MEIS2: variants seen among roughly 807,000 people sequenced by gnomAD.
MEIS2 encodes Meis homeobox 2.
Under a neutral mutation model 58.6 loss-of-function variants are expected in MEIS2, and 9 were observed. The ratio of observed to expected loss-of-function variants is 0.15; its 90% CI spans 0.09 to 0.27. The LOEUF (loss-of-function observed/expected upper bound fraction) is 0.27, where lower values mean the gene tolerates loss of function less well. Ranked by LOEUF, MEIS2 falls within the 10% of genes least tolerant of loss-of-function variation. The probability of loss-of-function intolerance (pLI) is 1.00; values close to 1 mark genes in which losing one functional copy is unlikely to be tolerated. For synonymous variants in MEIS2, 221 were observed against 228.4 expected (o/e 0.97, Z 0.29); for missense variants, 427 against 635.0 (o/e 0.67, Z 3.52).
intron 8 of MEIS2, among the ~76,000 whole-genome samples, chr15:36,988,957 G>A (rs2060181928): frequency 6.6e-6 from 1 of 152,086 alleles, no homozygotes; most frequent in Non-Finnish European, 1.5e-5. Flanking sequence ...ATGAAAAAAG[G>A]CTAGCAAGAA....
rs138110131 is a variant in MEIS2 at position 36,978,430 on chromosome 15, G to A, written c.901-28030C>T. ...TGGCTCCAGGATCTGTGCTCTTATCGCTGTACCACACTGGTATTGTGCTAC... is the reference window on the plus strand; with the variant it reads ...TGGCTCCAGGATCTGTGCTCTTATCACTGTACCACACTGGTATTGTGCTAC... On this transcript the variant is annotated intron_variant, in intron 8 of 11. Transcript: ENST00000561208. Among the ~76,000 whole-genome samples the A allele has an allele frequency of 5.2e-3, 795 of 152,272 alleles. 7 individuals are homozygous for A. The highest frequency in any genetic ancestry group is 9.0e-3 in the Non-Finnish European group (609 of 68,010).
chr15:36,958,436 A>G (rs892490458), intron 8 of MEIS2, among the ~76,000 whole-genome samples: 9 of 152,212 alleles, frequency 5.9e-5, no homozygotes, highest in Non-Finnish European at 1.2e-4. Context: ...AGGAGAAACA[A>G]AAACATCTGC....
chr15:37,082,952 T>C (rs1892426871), intron 7 of MEIS2, among the ~76,000 whole-genome samples: 1 of 151,234 alleles, frequency 6.6e-6, no homozygotes, highest in African/African-American at 2.4e-5. Context: ...AGAGATGAAA[T>C]AGACCTAGGA....
chr15:36,932,508 T>C (rs2058020104), intron 9 of MEIS2, among the ~76,000 whole-genome samples: 1 of 152,226 alleles, frequency 6.6e-6, no homozygotes, highest in Non-Finnish European at 1.5e-5. Context: ...TTATGGTCTT[T>C]TTTTAAGATT....
At chr15:36,956,274 G>A (rs1476499406) in intron 8 of MEIS2, among the ~76,000 whole-genome samples, 1 of 151,700 alleles carries the variant, frequency 6.6e-6, no homozygotes, top group Non-Finnish European at 1.5e-5. Context: ...AGGAAACCGA[G>A]GCTCACAAGG....
At position 36,917,008 on chromosome 15, in the gene MEIS2, C is replaced by T. The variant is rs77677879; in HGVS notation, c.978-20322G>A. On this transcript the variant is annotated intron_variant, in intron 9 of 11. Coordinates refer to ENST00000561208, the MANE Select transcript of MEIS2 (RefSeq NM_170675.5). ...TCAGATACACTCATGCACACATATG[C>T]GCACACACACATACACGCATGCGTG... Among the ~76,000 whole-genome samples, 45 of 152,164 alleles carry T rather than the reference C, an allele frequency of 3.0e-4. 1 individual carries two copies. The highest frequency in any genetic ancestry group is 3.4e-3 in the Middle Eastern group (1 of 294).
At chr15:36,985,776 G>A (rs1258407136) in intron 8 of MEIS2, among the ~76,000 whole-genome samples, 1 of 152,136 alleles carries the variant, frequency 6.6e-6, no homozygotes. Context: ...ATCTCTCAAA[G>A]CAGTTCCCAA....
chr15:37,093,665 G>T lies in MEIS2; in HGVS notation c.555C>A (p.Ile185=). Residue 185 remains isoleucine (I), a synonymous_variant, in exon 6 of 12, where the codon ATC becomes ATA. Coordinates refer to ENST00000561208, the MANE Select transcript of MEIS2 (RefSeq NM_170675.5). The part of the protein sequence containing the change: ...YISCLKGKMP[I]DLVIDERDGS... ...CGTCTCTTTCATCAATGACGAGGTC[G>T]ATGGGCATTTTCCCCTTCAAACAGC... 1 of 1,614,178 alleles carries T rather than the reference G, an allele frequency of 6.2e-7. No homozygotes were observed. Among genetic ancestry groups the T allele is most frequent in the Non-Finnish European group, 8.5e-7 (1 of 1,180,044 alleles).
chr15:36,969,147 C>T (rs1321271488), intron 8 of MEIS2, among the ~76,000 whole-genome samples: 1 of 152,186 alleles, frequency 6.6e-6, no homozygotes, highest in Non-Finnish European at 1.5e-5. Flanking sequence ...TGTATTTCTT[C>T]TCTTAGTTTG....
At chr15:37,081,424 A>C (rs915989332) in intron 7 of MEIS2, among the ~76,000 whole-genome samples, 1 of 152,202 alleles carries the variant, frequency 6.6e-6, no homozygotes, top group Non-Finnish European at 1.5e-5. Flanking sequence ...CTTTGCCCTG[A>C]AGCAGATAAT....
intron 7 of MEIS2, among the ~76,000 whole-genome samples, chr15:37,065,252 A>C (rs187218188): frequency 2.9e-4 from 44 of 152,300 alleles, no homozygotes; most frequent in African/African-American, 9.9e-4. Flanking sequence ...ATGTGGCTTC[A>C]TGCTTTTGAC....
At chr15:36,989,764 G>C (rs1289574785) in intron 8 of MEIS2, among the ~76,000 whole-genome samples, 1 of 152,168 alleles carries the variant, frequency 6.6e-6, no homozygotes, top group Non-Finnish European at 1.5e-5. Flanking sequence ...CTTAATTGTT[G>C]GTTTACCAGC....
At chr15:36,993,841 AC>A (rs1181166177) in intron 8 of MEIS2, among the ~76,000 whole-genome samples, 1 of 152,168 alleles carries the variant, frequency 6.6e-6, no homozygotes, top group Non-Finnish European at 1.5e-5. Flanking sequence ...AAATTATGGT[AC>A]TAATAGAGAG....
chr15:36,958,317 G>C (rs929728066), intron 8 of MEIS2, among the ~76,000 whole-genome samples: 1 of 152,102 alleles, frequency 6.6e-6, no homozygotes, highest in Non-Finnish European at 1.5e-5. Context: ...TTTAAGAACA[G>C]TTATTAAATT....
chr15:37,008,363 C>T (rs189899259), intron 8 of MEIS2, among the ~76,000 whole-genome samples: 8 of 152,308 alleles, frequency 5.3e-5, no homozygotes, highest in Admixed American at 3.9e-4. Context: ...TCAAGTTTCA[C>T]CAATGACCTT....
intron 7 of MEIS2, among the ~76,000 whole-genome samples, chr15:37,061,268 G>C (rs1317268849): frequency 6.6e-6 from 1 of 152,168 alleles, no homozygotes; most frequent in African/African-American, 2.4e-5. Flanking sequence ...GGATTAAAGG[G>C]ATTGGGATGC....
At chr15:36,940,520 C>G (rs748086575) in intron 9 of MEIS2, among the ~76,000 whole-genome samples, 20 of 152,042 alleles carry the variant, frequency 1.3e-4, no homozygotes, top group Non-Finnish European at 2.5e-4. Flanking sequence ...TTAGTGAACT[C>G]CAGTGTTTCT....
chr15:37,014,433 A>T (rs2061272970), intron 8 of MEIS2, among the ~76,000 whole-genome samples: 1 of 152,310 alleles, frequency 6.6e-6, no homozygotes, highest in Admixed American at 6.5e-5. Flanking sequence ...CTCTTCCCAA[A>T]AGAGAGAAAA....
intron 9 of MEIS2, among the ~76,000 whole-genome samples, chr15:36,911,324 A>G (rs2057013587): frequency 6.6e-6 from 1 of 152,048 alleles, no homozygotes; most frequent in Non-Finnish European, 1.5e-5. Context: ...TACATATCAC[A>G]TATATACATA....
Sources: allele counts gnomAD v4.1 joint callset (sites outside exome capture counted in the v4.1 genomes callset), GRCh38; gene constraint gnomAD v4.1.1; transcripts MANE v1.5; gene names NCBI Gene and HGNC (gene_info 2026-07-23, HGNC 2026-07-21).